Variants in KIF26B observed in about 807,000 individuals in gnomAD.
KIF26B encodes the protein kinesin-like protein KIF26B.
KIF26B carries 63 observed loss-of-function variants against 151.2 expected under a neutral mutation model. That is an observed-to-expected ratio of 0.42 (90% confidence interval 0.34 to 0.51). The LOEUF (loss-of-function observed/expected upper bound fraction) is 0.51, where lower values mean the gene tolerates loss of function less well. Ranked by LOEUF, KIF26B falls within the 20% of genes least tolerant of loss-of-function variation. The pLI is 0.07. For synonymous variants in KIF26B, 1,357 were observed against 1,262.1 expected (o/e 1.08, Z -1.59); for missense variants, 2,813 against 2,913.6 (o/e 0.97, Z 0.79).
chr1:245,654,567 C>A (rs76066590), intron 10 of KIF26B, among the ~76,000 whole-genome samples: 2,438 of 152,258 alleles, frequency 0.016, 73 homozygotes, highest in African/African-American at 0.056. Flanking sequence ...AAGAGCCTGA[C>A]AGTTCATGGA....
chr1:245,245,095 G>A lies in KIF26B; in HGVS notation c.465+88412G>A, dbSNP rs537702396. 2.0e-5 allele frequency among the ~76,000 whole-genome samples: 3 copies of A among 152,180 alleles called. No individual in the cohort carries two copies. The East Asian group carries it at 5.8e-4, about 29-fold the overall frequency. On this transcript the variant is annotated intron_variant, in intron 2 of 14. Coordinates refer to ENST00000407071, the MANE Select transcript of KIF26B (RefSeq NM_018012.4). ...CCTCGGTGGGCTGATGAAACACTCA[G>A]AAGAAAAAAGAACTTGATGGAGGCA...
At chr1:245,432,141 C>G (rs1658796597) in intron 4 of KIF26B, among the ~76,000 whole-genome samples, 1 of 152,060 alleles carries the variant, frequency 6.6e-6, no homozygotes, top group African/African-American at 2.4e-5. Context: ...CGCGTGGTAC[C>G]TGCTACATTA....
chr1:245,219,973 A>T (rs969421607), intron 2 of KIF26B, among the ~76,000 whole-genome samples: 2 of 152,120 alleles, frequency 1.3e-5, no homozygotes, highest in Admixed American at 1.3e-4. Flanking sequence ...GAACAGCCCA[A>T]ACTCTGCTGG....
Position 245,679,457 on chromosome 1 carries a change from GTTTTTTTTTTTT to G in KIF26B, c.2259-4758_2259-4747del, listed in dbSNP as rs35663208. 2.9e-4 allele frequency among the ~76,000 whole-genome samples: 17 copies of G among 59,210 alleles called. 1 individual carries two copies. Among genetic ancestry groups the G allele is most frequent in the South Asian group, 1.5e-3 (2 of 1,374 alleles). The allele number at this position is 59,210 out of a possible 152,430, so 38.8% of individuals were successfully genotyped here. A position where few individuals can be genotyped will look rare whatever the true frequency, so the allele number is the denominator to read the frequency against. ...GGTTTTTTGTGTTTTTTTTGTGTGT[GTTTTTTTTTTTT>G]TTTTTTTTTTTTTTTTTGACACAAG... is the stretch of plus-strand genomic sequence containing the variant. On this transcript the variant is annotated intron_variant, in intron 10 of 14. Coordinates refer to ENST00000407071, the MANE Select transcript of KIF26B (RefSeq NM_018012.4).
chr1:245,197,269 C>G (rs1425988564), intron 2 of KIF26B, among the ~76,000 whole-genome samples: 1 of 152,120 alleles, frequency 6.6e-6, no homozygotes, highest in African/African-American at 2.4e-5. Flanking sequence ...TCTAGGAGAA[C>G]AATTATTATT....
chr1:245,327,848 T>A (rs1475607901), intron 2 of KIF26B, among the ~76,000 whole-genome samples: 1 of 152,240 alleles, frequency 6.6e-6, no homozygotes, highest in African/African-American at 2.4e-5. Context: ...TTTATGTTTT[T>A]ATGAAGGTAA....
At chr1:245,661,665 C>T (rs190964845) in intron 10 of KIF26B, among the ~76,000 whole-genome samples, 27 of 149,418 alleles carry the variant, frequency 1.8e-4, no homozygotes, top group Admixed American at 1.2e-3. Context: ...TATAGACACA[C>T]ACACTCAATA....
chr1:245,276,934 A>C (rs1043039330), intron 2 of KIF26B, among the ~76,000 whole-genome samples: 4 of 152,132 alleles, frequency 2.6e-5, no homozygotes, highest in Non-Finnish European at 1.5e-5. Context: ...AGATCTTCTT[A>C]GATTAGGGTG....
intron 4 of KIF26B, among the ~76,000 whole-genome samples, chr1:245,465,557 GT>G (rs1360945313): frequency 6.6e-6 from 1 of 152,168 alleles, no homozygotes; most frequent in Admixed American, 6.5e-5. Context: ...TCTGTGTTCC[GT>G]TTCCTTCCCA....
At chr1:245,310,070 A>G (rs532897061) in intron 2 of KIF26B, among the ~76,000 whole-genome samples, 2 of 147,724 alleles carry the variant, frequency 1.4e-5, no homozygotes, top group Non-Finnish European at 3.0e-5. Flanking sequence ...TATATTATAT[A>G]TAATATTTAT....
chr1:245,667,852 G>A lies in KIF26B; in HGVS notation c.2259-16381G>A, dbSNP rs1296565271. 2.0e-5 allele frequency among the ~76,000 whole-genome samples: 3 copies of A among 152,166 alleles called. No individual in the cohort carries two copies. Among genetic ancestry groups the A allele is most frequent in the African/African-American group, 7.2e-5 (3 of 41,446 alleles). ...GTGGCATGAGTAGCATGAGTCAGAT[G>A]TGATTAATTCCTAATTCCTTAGCTG... is the stretch of plus-strand genomic sequence containing the variant. On this transcript the variant is annotated intron_variant, in intron 10 of 14. Transcript: ENST00000407071. This position sits in a 1 kb window ranked among gnomAD's most constrained non-coding sequence, Gnocchi z 4.3.
chr1:245,614,375 A>G (rs1159386529), intron 9 of KIF26B, among the ~76,000 whole-genome samples: 1 of 152,134 alleles, frequency 6.6e-6, no homozygotes, highest in African/African-American at 2.4e-5. Context: ...GAGTTTCACC[A>G]TATTGGCCAG....
chr1:245,649,313 C>T (rs1288865719), intron 10 of KIF26B, among the ~76,000 whole-genome samples: 1 of 152,312 alleles, frequency 6.6e-6, no homozygotes, highest in South Asian at 2.1e-4. Flanking sequence ...CAGGATCAAA[C>T]TGCCTCGCTC....
At chr1:245,221,317 A>G (rs1669761052) in intron 2 of KIF26B, among the ~76,000 whole-genome samples, 1 of 151,418 alleles carries the variant, frequency 6.6e-6, no homozygotes, top group Non-Finnish European at 1.5e-5. Context: ...ACACTCAGCA[A>G]TATTTCTAAC....
chr1:245,611,721 G>A (rs1331388687), intron 8 of KIF26B, 72 bp from the exon 9 acceptor site: 1 of 1,490,778 alleles, frequency 6.7e-7, no homozygotes, highest in Non-Finnish European at 9.1e-7. Context: ...AATGGTGCTG[G>A]GGACACCCAG....
intron 2 of KIF26B, among the ~76,000 whole-genome samples, chr1:245,214,553 TG>T (rs1669604881): frequency 6.6e-6 from 1 of 152,144 alleles, no homozygotes; most frequent in African/African-American, 2.4e-5. Context: ...GCAGGTGTGC[TG>T]AAGAGCCCAG....
intron 2 of KIF26B, among the ~76,000 whole-genome samples, chr1:245,229,143 A>C (rs1014567379): frequency 6.6e-6 from 1 of 151,586 alleles, no homozygotes; most frequent in Admixed American, 6.6e-5. Context: ...ATTTTTAAAA[A>C]TTTTTTTTAG....
intron 2 of KIF26B, among the ~76,000 whole-genome samples, chr1:245,341,905 C>T (rs750261281): frequency 3.9e-5 from 6 of 152,224 alleles, no homozygotes; most frequent in South Asian, 2.1e-4. Flanking sequence ...GCACCATCTA[C>T]GCCCATCTCC....
chr1:245,238,618 T>G (rs1397764355), intron 2 of KIF26B, among the ~76,000 whole-genome samples: 2 of 152,158 alleles, frequency 1.3e-5, no homozygotes, highest in African/African-American at 4.8e-5. Flanking sequence ...CCCAGCACTT[T>G]GGGAGGCAGA....
Sources: gnomAD v4.1 joint callset for allele counts (sites outside exome capture counted in the v4.1 genomes callset) on GRCh38, gnomAD v4.1.1 for gene constraint, Gnocchi (gnomAD v3.1) non-coding constraint, MANE v1.5 for transcripts, NCBI Gene and HGNC (gene_info 2026-07-23, HGNC 2026-07-21) for gene names.